The following CCDC9 variants were observed in gnomAD, a reference collection of about 807,000 sequenced individuals.
CCDC9 encodes the protein coiled-coil domain-containing protein 9.
In CCDC9, 52 loss-of-function variants were observed where a neutral mutation model predicts 65.6. That is an observed-to-expected ratio of 0.79 (90% CI 0.63 to 1.00). CCDC9 has a LOEUF of 1.00. Ranked by LOEUF, CCDC9 falls within the 50% of genes least tolerant of loss-of-function variation. The pLI is 0.00. For synonymous variants in CCDC9, 332 were observed against 280.3 expected (o/e 1.18, Z -1.84); for missense variants, 834 against 757.2 (o/e 1.10, Z -1.19).
At chr19:47,275,447 T>A, downstream of CCDC9, 3 of 1,410,354 alleles carry the variant, frequency 2.1e-6, no homozygotes, top group Admixed American at 5.8e-5. Context: ...TTCTTCCTAA[T>A]GACATCGCTC....
At chr19:47,268,862 G>A (rs1276171757) in intron 8 of CCDC9, among the ~76,000 whole-genome samples, 2 of 147,510 alleles carry the variant, frequency 1.4e-5, no homozygotes, top group East Asian at 2.0e-4. Context: ...AGCTTGCAGT[G>A]AGCCGAGATC....
chr19:47,273,879 C>A, downstream of CCDC9: 1 of 725,164 alleles, frequency 1.4e-6, no homozygotes, highest in Non-Finnish European at 1.7e-6. Context: ...GGTCGCTGTG[C>A]TTGGCGGGCT....
downstream of CCDC9, chr19:47,273,569 G>C (rs3745605): frequency 4.2e-3 from 1,776 of 426,988 alleles, 6 homozygotes; most frequent in Non-Finnish European, 5.7e-3. Context: ...TAAATCTAAG[G>C]GGGGAGGAGC....
downstream of CCDC9, chr19:47,272,212 TGGGGCTGA>T: frequency 8.6e-7 from 1 of 1,168,208 alleles, no homozygotes; most frequent in Admixed American, 4.3e-5. Context: ...CCTCTTTCTC[TGGGGCTGA>T]GGGGCAGAGG....
chr19:47,273,379 G>A, downstream of CCDC9: 2 of 1,231,946 alleles, frequency 1.6e-6, no homozygotes, highest in Non-Finnish European at 2.0e-6. Context: ...AAGGCCAGGA[G>A]ACGGCGGAGA....
downstream of CCDC9, chr19:47,274,853 T>TG (rs1280964502): frequency 1.2e-6 from 1 of 840,110 alleles, no homozygotes; most frequent in East Asian, 9.9e-5. Flanking sequence ...GTCTGCGGGG[T>TG]GGGGGCGGGG....
downstream of CCDC9, chr19:47,275,533 C>G (rs915667604): frequency 1.3e-6 from 1 of 796,230 alleles, no homozygotes; most frequent in East Asian, 3.3e-5. Context: ...CTTGCAGCTA[C>G]TCTGTGGTCA....
At chr19:47,258,199 A>C (rs984364822) in intron 1 of CCDC9, 131 bp from the exon 2 acceptor site, 6 of 608,674 alleles carry the variant, frequency 9.9e-6, no homozygotes, top group Non-Finnish European at 1.8e-5. Context: ...GAAAGGAGGG[A>C]GAGTGAGGGC....
rs761661267 is a variant in CCDC9, at chr19:47,258,657, C to G, written c.102C>G (p.Arg34=). 4 of 1,613,368 alleles carry G rather than the reference C, an allele frequency of 2.5e-6. No homozygotes were observed. In the East Asian group the frequency reaches 6.7e-5, roughly 27 times the overall value. ...LRRKNEALIR[R]YQEIEEDRKK... ...GGAAGAATGAGGCCCTCATCCGGCG[C>G]TACCAGGTGCCCTAGCCCCGCCCTG... Residue 34 remains arginine (R), a synonymous_variant, in exon 3 of 12, where the codon CGC becomes CGG. Transcript: ENST00000221922.
chr19:47,271,751 G>A lies in CCDC9; in HGVS notation c.*73G>A, dbSNP rs1315545967. ...TGTGTGTGCGCGCGCGCGCGCGCGCGCGCGCGCGCTAGAGGGGTGTGGCTG... is the reference window on the plus strand; with the variant it reads ...TGTGTGTGCGCGCGCGCGCGCGCGCACGCGCGCGCTAGAGGGGTGTGGCTG... On this transcript the variant is annotated 3_prime_UTR_variant, in exon 12 of 12. Transcript: ENST00000221922. The A allele has an allele frequency of 8.8e-5, 121 of 1,381,374 alleles. No homozygotes were observed. The East Asian group carries it at 1.2e-3, about 14-fold the overall frequency. The allele number at this position is 1,381,374 out of a possible 1,614,324, so 85.6% of individuals were successfully genotyped here.
chr19:47,260,438 G>A lies in CCDC9; in HGVS notation c.210+16G>A, dbSNP rs765547571. On this transcript the variant is annotated intron_variant, in intron 4 of 11. Coordinates refer to ENST00000221922, the MANE Select transcript of CCDC9 (RefSeq NM_015603.3). Reference sequence around the variant, plus strand: ...AGTGGAGTCGGTGAGCTCGTCACTGGGGTGTGGGACCCTGAGGATGGGGAG... The same window carrying A: ...AGTGGAGTCGGTGAGCTCGTCACTGAGGTGTGGGACCCTGAGGATGGGGAG... 6.2e-7 allele frequency: 1 copy of A among 1,609,328 alleles called. No individual in the cohort carries two copies. Among genetic ancestry groups the A allele is most frequent in the South Asian group, 1.1e-5 (1 of 90,450 alleles).
At chr19:47,271,963 C>T (rs2059127172), downstream of CCDC9, 4 of 1,276,468 alleles carry the variant, frequency 3.1e-6, no homozygotes, top group South Asian at 3.1e-5. Context: ...ATGACATTCC[C>T]CCAGGTGTGT....
intron 8 of CCDC9, among the ~76,000 whole-genome samples, chr19:47,268,225 G>A (rs2059095048): frequency 6.6e-6 from 1 of 152,124 alleles, no homozygotes; most frequent in South Asian, 2.1e-4. Flanking sequence ...TTAAAGCAAA[G>A]CCCTCATTGC....
chr19:47,260,689 C>T lies in CCDC9; in HGVS notation c.312C>T (p.Gly104=). ...CTCCACAGCAGGGAGGCCGGGCCGG[C>T]ATGGGCCGAGCATCGCGCAGCTGGG... is the stretch of plus-strand genomic sequence containing the variant. ...RTPPQQGGRA[G]MGRASRSWEG... The change falls in exon 5 of 12, where the codon GGC becomes GGT. Residue 104 remains glycine (G), a synonymous_variant. Coordinates refer to ENST00000221922, the MANE Select transcript of CCDC9 (RefSeq NM_015603.3). 1 of 1,556,788 alleles carries T rather than the reference C, an allele frequency of 6.4e-7. No individual in the cohort carries two copies. Among genetic ancestry groups the T allele is most frequent in the Middle Eastern group, 1.9e-4 (1 of 5,378 alleles).
At position 47,270,573 on chromosome 19, in the gene CCDC9, C is replaced by T. The variant is rs2059110122; in HGVS notation, c.970C>T (p.Pro324Ser). 10 of 1,613,912 alleles carry T rather than the reference C, an allele frequency of 6.2e-6. No homozygotes were observed. Among genetic ancestry groups the T allele is most frequent in the Non-Finnish European group, 8.5e-6 (10 of 1,179,996 alleles). Residue 324 changes from proline to serine, a missense_variant, in exon 10 of 12, where the codon CCC becomes TCC. Physicochemically the swap from Pro to Ser is moderately conservative, Grantham distance 74 (BLOSUM62 -1). Transcript: ENST00000221922. The part of the protein sequence containing the change: ...HRYDDQAWAR[P>S]PKPPTFGEFL... Reference sequence around the variant, plus strand: ...TGCAGATGACCAGGCCTGGGCCCGGCCCCCGAAGCCCCCTACTTTTGGGGA... The same window carrying T: ...TGCAGATGACCAGGCCTGGGCCCGGTCCCCGAAGCCCCCTACTTTTGGGGA...
At position 47,264,856 on chromosome 19, in the gene CCDC9, G is replaced by A. The variant is rs747837480; in HGVS notation, c.630G>A (p.Arg210=). 1.3e-6 allele frequency: 2 copies of A among 1,507,718 alleles called. No individual in the cohort carries two copies. Among genetic ancestry groups the A allele is most frequent in the Non-Finnish European group, 8.9e-7 (1 of 1,129,848 alleles). 93.4% of individuals were successfully genotyped at this position (1,507,718 alleles called of 1,614,324 possible). ...GCGGGCCCCTGGAGGAGTCTGAGCG[G>A]GACCGCCGGGAGGAGAGCCGCCGGC... ...RRSGPLEESE[R]DRREESRRHG... is the part of the protein sequence containing the mutation. Residue 210 remains arginine, a synonymous_variant, in exon 7 of 12, where the codon CGG becomes CGA. Transcript: ENST00000221922.
chr19:47,270,986 T>C (rs899248311), intron 10 of CCDC9, 96 bp from the exon 11 acceptor site: 1 of 929,912 alleles, frequency 1.1e-6, no homozygotes, highest in Non-Finnish European at 1.6e-6. Context: ...TGCCAGATGC[T>C]CTGGGCAGCT....
At position 47,262,866 on chromosome 19, in the gene CCDC9, G is replaced by A. The variant is rs144604956; in HGVS notation, c.463-1737G>A. ...CTTGGGAAGCTAAGGTGGGAGGATC[G>A]CTTGAGCCCAGGAGTTTGAGACCAG... On this transcript the variant is annotated intron_variant, in intron 5 of 11. Transcript: ENST00000221922. 1.2e-3 allele frequency among the ~76,000 whole-genome samples: 189 copies of A among 152,076 alleles called. 1 individual carries two copies. The East Asian group carries it at 0.031, about 25-fold the overall frequency.
intron 3 of CCDC9, among the ~76,000 whole-genome samples, chr19:47,259,183 C>T (rs1190191335): frequency 6.6e-6 from 1 of 152,146 alleles, no homozygotes; most frequent in Non-Finnish European, 1.5e-5. Flanking sequence ...ATGTTGGAAG[C>T]AAGAGAGAGC....
Sources: gnomAD v4.1 joint callset for allele counts (sites outside exome capture counted in the v4.1 genomes callset) on GRCh38, gnomAD v4.1.1 for gene constraint, MANE v1.5 for transcripts, NCBI Gene and HGNC (gene_info 2026-07-23, HGNC 2026-07-21) for gene names.